BEST3: variants seen among roughly 807,000 people sequenced by gnomAD.
BEST3 encodes the protein bestrophin-3.
A neutral mutation model predicts 47.1 loss-of-function variants in BEST3; 50 were observed. The ratio of observed to expected loss-of-function variants is 1.06; its 90% CI spans 0.85 to 1.34. BEST3 has a LOEUF of 1.34. Among genes scored for constraint, BEST3 ranks in the 40% most tolerant of loss-of-function variants. BEST3 has a pLI of 0.00. For missense variants in BEST3, 765 were observed against 817.0 expected, an observed-to-expected ratio of 0.94 and a Z score of 0.78; for synonymous variants, 282 against 298.8, an observed-to-expected ratio of 0.94 and a Z score of 0.58.
At position 69,671,589 on chromosome 12, in the gene BEST3, T is replaced by C; in HGVS notation, c.949-10A>G. 1.2e-6 allele frequency: 2 copies of C among 1,611,246 alleles called. No individual in the cohort carries two copies. Among genetic ancestry groups the C allele is most frequent in the Non-Finnish European group, 1.7e-6 (2 of 1,178,212 alleles). On this transcript the variant is annotated splice_polypyrimidine_tract_variant and intron_variant, in intron 8 of 9. Coordinates refer to ENST00000330891, the MANE Select transcript of BEST3 (RefSeq NM_032735.3). Reference sequence around the variant, plus strand: ...CAGCTAAAAGAGAGACCTAAAATCATTGTTATATTGTTAGAATAACTCAGA... The same window carrying C: ...CAGCTAAAAGAGAGACCTAAAATCACTGTTATATTGTTAGAATAACTCAGA...
At chr12:69,698,659 G>T (rs763422748) in intron 1 of BEST3, among the ~76,000 whole-genome samples, 8 of 152,136 alleles carry the variant, frequency 5.3e-5, no homozygotes, top group Non-Finnish European at 1.2e-4. Context: ...AGATAGAATT[G>T]TACTAGACAC....
At chr12:69,645,165 T>A (rs2135890880) in intron 9 of BEST3, among the ~76,000 whole-genome samples, 1 of 152,280 alleles carries the variant, frequency 6.6e-6, no homozygotes, top group Admixed American at 6.5e-5. Context: ...TTTGCTCTAG[T>A]TATTTGGCAG....
At chr12:69,672,336 T>G (rs1381392859) in intron 8 of BEST3, among the ~76,000 whole-genome samples, 1 of 152,262 alleles carries the variant, frequency 6.6e-6, no homozygotes, top group Non-Finnish European at 1.5e-5. Flanking sequence ...GGAAAATTCC[T>G]TAGTGCTGTT....
intron 7 of BEST3, among the ~76,000 whole-genome samples, chr12:69,676,364 T>C (rs570846107): frequency 6.6e-6 from 1 of 151,668 alleles, no homozygotes; most frequent in Non-Finnish European, 1.5e-5. Context: ...TGAGCTGAGA[T>C]TGCGTTACTG....
intron 9 of BEST3, 57 bp downstream of exon 9, chr12:69,671,371 G>A (rs1396345635): frequency 1.4e-6 from 2 of 1,441,594 alleles, no homozygotes; most frequent in African/African-American, 2.9e-5. Flanking sequence ...TAGAGACAAG[G>A]TCTCACTATG....
chr12:69,670,520 C>T (rs1486949940), intron 9 of BEST3: 2 of 702,890 alleles, frequency 2.8e-6, no homozygotes, highest in South Asian at 3.0e-5. Flanking sequence ...TGCCACAAAC[C>T]ATCACTGATG....
intron 9 of BEST3, chr12:69,670,298 G>T (rs531247018): frequency 1.6e-6 from 1 of 615,614 alleles, no homozygotes; most frequent in Admixed American, 2.5e-5. Context: ...GGGTGGGTGG[G>T]TCTGGTCTTA....
chr12:69,684,385 T>C (rs1232011846), intron 4 of BEST3: 3 of 432,318 alleles, frequency 6.9e-6, no homozygotes, highest in African/African-American at 2.0e-5. Context: ...CAAAATTTTA[T>C]TGCCCTCGAG....
At chr12:69,677,094 G>C in intron 6 of BEST3, 26 bp from the exon 7 acceptor site, 1 of 1,614,146 alleles carries the variant, frequency 6.2e-7, no homozygotes, top group Non-Finnish European at 8.5e-7. Flanking sequence ...ACCAGAGTGA[G>C]GGGACAGTGC....
intron 9 of BEST3, among the ~76,000 whole-genome samples, chr12:69,665,417 A>C (rs1009287226): frequency 2.9e-4 from 44 of 152,062 alleles, no homozygotes; most frequent in Non-Finnish European, 5.7e-4. Context: ...ACATGGTGAA[A>C]CCCCGTCTCT....
Position 69,694,446 on chromosome 12 carries a change from G to A in BEST3, c.171C>T (p.Val57=). The A allele has an allele frequency of 3.1e-6, 5 of 1,602,820 alleles. No individual in the cohort carries two copies. The highest frequency in any genetic ancestry group is 4.3e-6 in the Non-Finnish European group (5 of 1,173,108). Residue 57 remains valine (V), a synonymous_variant, in exon 3 of 10, where the codon GTC becomes GTT. Transcript: ENST00000330891. ...ATAATTTTTCAAAGTAACGTTTTTGGACTCCTGTAAGTAACAATCTGGAGC... is the reference window on the plus strand; with the variant it reads ...ATAATTTTTCAAAGTAACGTTTTTGAACTCCTGTAAGTAACAATCTGGAGC... ...SLVYRLLLTG[V]QKRYFEKLSI...
At position 69,693,839 on chromosome 12, in the gene BEST3, G is replaced by T. The variant is rs772585100; in HGVS notation, c.316C>A (p.Leu106Ile). 10 of 1,613,892 alleles carry T rather than the reference G, an allele frequency of 6.2e-6. No homozygotes were observed. In the Admixed American group the frequency reaches 1.2e-4, roughly 19 times the overall value. ...ACACTGCTAGAGATGAGGAACATTAGCCTGTCTGGCCAGGGCAAATTCACA... is the reference window on the plus strand; with the variant it reads ...ACACTGCTAGAGATGAGGAACATTATCCTGTCTGGCCAGGGCAAATTCACA... ...QFVNLPWPDR[L>I]MFLISSSVHG... Residue 106 changes from leucine to isoleucine, a missense_variant, in exon 4 of 10, where the codon CTA (leucine) becomes ATA (isoleucine). Transcript: ENST00000330891.
chr12:69,681,238 C>T (rs993318130), intron 4 of BEST3, among the ~76,000 whole-genome samples: 5 of 151,970 alleles, frequency 3.3e-5, no homozygotes, highest in Admixed American at 6.6e-5. Context: ...TACATTCAGA[C>T]GAAAATCAAC....
chr12:69,660,307 G>T (rs532727313), intron 9 of BEST3: 15 of 152,318 alleles, frequency 9.8e-5, no homozygotes, highest in African/African-American at 3.6e-4. Context: ...CTCAGACAGG[G>T]TTGGAGGAGA....
chr12:69,646,719 A>G (rs185620156), intron 9 of BEST3, among the ~76,000 whole-genome samples: 65 of 152,320 alleles, frequency 4.3e-4, no homozygotes, highest in African/African-American at 1.5e-3. Flanking sequence ...GAGATGAATG[A>G]ATGTGACAGA....
At chr12:69,697,592 C>T (rs1886179377) in intron 2 of BEST3, 55 bp downstream of exon 2, 1 of 1,378,356 alleles carries the variant, frequency 7.3e-7, no homozygotes, top group East Asian at 2.6e-5. Context: ...ATTTTTGAGA[C>T]TGTATCTTAC....
downstream of BEST3, chr12:69,653,464 C>A (rs1466189602): frequency 4.0e-6 from 1 of 248,456 alleles, no homozygotes; most frequent in South Asian, 1.5e-4. Context: ...TGAAGATGAA[C>A]ACTGTCACTT....
intron 7 of BEST3, among the ~76,000 whole-genome samples, chr12:69,674,892 CTTTTTTTTTTTTT>C (rs35297025): frequency 0.015 from 1,694 of 109,416 alleles, 43 homozygotes; most frequent in African/African-American, 0.055. Context: ...TTAGGTTTGC[CTTTTTTTTTTTTT>C]TTTTTTTTGG....
intron 4 of BEST3, among the ~76,000 whole-genome samples, chr12:69,681,816 C>T (rs1293995277): frequency 1.3e-5 from 2 of 152,128 alleles, no homozygotes; most frequent in Admixed American, 6.5e-5. Context: ...CGTGGTGGCT[C>T]ACGCCTGTAA....
Sources: gnomAD v4.1 joint callset for allele counts (sites outside exome capture counted in the v4.1 genomes callset) on GRCh38, gnomAD v4.1.1 for gene constraint, MANE v1.5 for transcripts, NCBI Gene and HGNC (gene_info 2026-07-23, HGNC 2026-07-21) for gene names.